Variants in CCSER1 observed in about 807,000 individuals in gnomAD.
CCSER1 encodes the protein serine-rich coiled-coil domain-containing protein 1.
In CCSER1, 41 loss-of-function variants were observed where a neutral mutation model predicts 82.0. The observed-to-expected ratio is 0.50, with a 90% CI of 0.39 to 0.65. The LOEUF (loss-of-function observed/expected upper bound fraction) is 0.65, where lower values mean the gene tolerates loss of function less well. Ranked by LOEUF, CCSER1 falls within the 30% of genes least tolerant of loss-of-function variation. The pLI, the probability that CCSER1 is intolerant of heterozygous loss-of-function variation, is 0.00. For missense variants in CCSER1, 1,119 were observed against 1,064.2 expected (o/e 1.05, Z -0.72); for synonymous variants, 414 against 383.9 (o/e 1.08, Z -0.92).
chr4:90,668,513 A>G lies in CCSER1; in HGVS notation c.1932+40281A>G, dbSNP rs546622623. On this transcript the variant is annotated intron_variant, in intron 6 of 10. Coordinates refer to ENST00000509176, the MANE Select transcript of CCSER1 (RefSeq NM_001145065.2). The stretch of plus-strand genomic sequence containing the variant: ...ATGTGAATTGAATGTCATAAAATTC[A>G]TTTATTATGAACAAAATATTCAAAA... 5.3e-5 allele frequency among the ~76,000 whole-genome samples: 8 copies of G among 152,324 alleles called. No individual in the cohort carries two copies. In the South Asian group the frequency reaches 1.7e-3, roughly 32 times the overall value.
chr4:90,989,539 G>A (rs1736847854), intron 9 of CCSER1, among the ~76,000 whole-genome samples: 1 of 151,738 alleles, frequency 6.6e-6, no homozygotes, highest in South Asian at 2.1e-4. Flanking sequence ...ATTTTAAATG[G>A]GAGAATGCCT....
intron 5 of CCSER1, among the ~76,000 whole-genome samples, chr4:90,532,509 A>C (rs1475901911): frequency 2.6e-5 from 4 of 152,008 alleles, no homozygotes; most frequent in Admixed American, 2.6e-4. Flanking sequence ...GTGGTGTTCT[A>C]AGTCTGAGAA....
chr4:90,454,230 T>A (rs1761879137), intron 4 of CCSER1, among the ~76,000 whole-genome samples: 1 of 140,844 alleles, frequency 7.1e-6, no homozygotes, highest in Non-Finnish European at 1.5e-5. Context: ...TGTTTCATGT[T>A]TTTTTTTTTT....
chr4:90,789,904 C>T (rs1185509146), intron 7 of CCSER1, among the ~76,000 whole-genome samples: 1 of 152,122 alleles, frequency 6.6e-6, no homozygotes, highest in Admixed American at 6.5e-5. Flanking sequence ...TTATAAGGAA[C>T]ATTTCAATTG....
intron 9 of CCSER1, among the ~76,000 whole-genome samples, chr4:90,983,809 G>A (rs1289785617): frequency 6.6e-6 from 1 of 151,572 alleles, no homozygotes; most frequent in Non-Finnish European, 1.5e-5. Context: ...TCATCTTTCT[G>A]TGCACTATTC....
chr4:91,203,498 A>C (rs981103989), intron 10 of CCSER1, among the ~76,000 whole-genome samples: 4 of 144,254 alleles, frequency 2.8e-5, no homozygotes, highest in Non-Finnish European at 4.4e-5. Context: ...GAGGAATTAG[A>C]TAGATAATAA....
At chr4:91,505,621 T>C (rs1759442986) in intron 10 of CCSER1, among the ~76,000 whole-genome samples, 4 of 152,212 alleles carry the variant, frequency 2.6e-5, no homozygotes, top group Admixed American at 2.6e-4. Context: ...TTCATAACTT[T>C]TTAGTAATCA....
chr4:91,579,323 C>CCCA (rs1763616093), intron 10 of CCSER1, among the ~76,000 whole-genome samples: 1 of 151,340 alleles, frequency 6.6e-6, no homozygotes, highest in Non-Finnish European at 1.5e-5. Flanking sequence ...TCCTAGTGTA[C>CCCA]CCATCACCCA....
chr4:91,102,109 G>A (rs1275670694), intron 10 of CCSER1, among the ~76,000 whole-genome samples: 2 of 152,084 alleles, frequency 1.3e-5, no homozygotes, highest in South Asian at 2.1e-4. Context: ...AATTCACCCC[G>A]TGTTATAGCT....
At chr4:91,571,241 T>A (rs1034162574) in intron 10 of CCSER1, among the ~76,000 whole-genome samples, 3 of 152,190 alleles carry the variant, frequency 2.0e-5, no homozygotes, top group Admixed American at 2.0e-4. Flanking sequence ...ATTCCAAACT[T>A]TCTCACATTT....
At chr4:90,274,458 A>G (rs1014442914) in intron 1 of CCSER1, among the ~76,000 whole-genome samples, 3 of 152,160 alleles carry the variant, frequency 2.0e-5, no homozygotes, top group Non-Finnish European at 4.4e-5. Flanking sequence ...CTTTGCTGTT[A>G]AGAAAACTAT....
chr4:90,226,923 C>T (rs988147688), intron 1 of CCSER1, among the ~76,000 whole-genome samples: 2 of 152,228 alleles, frequency 1.3e-5, no homozygotes, highest in Non-Finnish European at 2.9e-5. Context: ...GTAGGATTCA[C>T]TTGACCAGTT....
chr4:90,436,810 C>CTT (rs989339206), intron 4 of CCSER1, among the ~76,000 whole-genome samples: 2 of 140,506 alleles, frequency 1.4e-5, no homozygotes, highest in Non-Finnish European at 1.6e-5. Context: ...ATATTAGTTC[C>CTT]TTTTTTTTTT....
At chr4:91,502,922 T>C (rs1232465853) in intron 10 of CCSER1, among the ~76,000 whole-genome samples, 1 of 152,190 alleles carries the variant, frequency 6.6e-6, no homozygotes, top group Non-Finnish European at 1.5e-5. Flanking sequence ...AAAATCAAAA[T>C]ATATTTATAG....
intron 10 of CCSER1, among the ~76,000 whole-genome samples, chr4:91,431,199 G>A (rs1264788730): frequency 7.2e-5 from 11 of 152,148 alleles, no homozygotes; most frequent in Non-Finnish European, 1.5e-4. Flanking sequence ...TGGCGCCAAT[G>A]CACTCCAGTC....
chr4:90,919,929 C>T (rs934268999), intron 8 of CCSER1, among the ~76,000 whole-genome samples: 3 of 151,750 alleles, frequency 2.0e-5, no homozygotes, highest in Admixed American at 6.6e-5. Context: ...AAAAAATAAG[C>T]GGTGTATTTT....
At chr4:90,826,806 A>G (rs1232270510) in intron 8 of CCSER1, among the ~76,000 whole-genome samples, 1 of 152,238 alleles carries the variant, frequency 6.6e-6, no homozygotes, top group Non-Finnish European at 1.5e-5. Context: ...CACTTTTGCT[A>G]CATATCAATA....
At chr4:91,453,319 C>G (rs1029494598) in intron 10 of CCSER1, among the ~76,000 whole-genome samples, 4 of 151,892 alleles carry the variant, frequency 2.6e-5, no homozygotes, top group African/African-American at 9.7e-5. Flanking sequence ...AGAAAGTCAC[C>G]ATGTTCATTT....
intron 5 of CCSER1, among the ~76,000 whole-genome samples, chr4:90,524,555 G>A (rs1773515067): frequency 6.6e-6 from 1 of 152,174 alleles, no homozygotes; most frequent in East Asian, 1.9e-4. Flanking sequence ...TGCAACCTCA[G>A]CCTCCCAGGT....
Sources: allele counts gnomAD v4.1 joint callset (sites outside exome capture counted in the v4.1 genomes callset), GRCh38; gene constraint gnomAD v4.1.1; transcripts MANE v1.5; gene names NCBI Gene and HGNC (gene_info 2026-07-23, HGNC 2026-07-21).